Variants in MAST4 observed in about 807,000 individuals in gnomAD.
The protein encoded by MAST4 is microtubule associated serine/threonine kinase family member 4, also known as microtubule-associated serine/threonine-protein kinase 4.
A neutral mutation model predicts 162.7 loss-of-function variants in MAST4; 89 were observed. The ratio of observed to expected loss-of-function variants is 0.55; its 90% CI spans 0.46 to 0.65. The LOEUF is 0.65. Ranked by LOEUF, MAST4 falls within the 30% of genes least tolerant of loss-of-function variation. The pLI is 0.00. For missense variants in MAST4, 3,153 were observed against 3,374.0 expected (o/e 0.93, Z 1.62); for synonymous variants, 1,479 against 1,361.1 (o/e 1.09, Z -1.91).
chr5:66,971,148 C>T (rs1211804881), intron 4 of MAST4, among the ~76,000 whole-genome samples: 3 of 152,170 alleles, frequency 2.0e-5, no homozygotes, highest in African/African-American at 4.8e-5. Context: ...GTTACTGTGT[C>T]TGGAGCTTTC....
At position 66,754,803 on chromosome 5, in the gene MAST4, C is replaced by T. The variant is rs1227302753; in HGVS notation, c.364-4906C>T. Among the ~76,000 whole-genome samples the T allele has an allele frequency of 3.3e-5, 5 of 152,124 alleles. No individual in the cohort carries two copies. In the South Asian group the frequency reaches 8.3e-4, roughly 25 times the overall value. The stretch of plus-strand genomic sequence containing the variant: ...ATAAGAACAAGGAATAAAGGTTGAG[C>T]GTGCTGTTTTACATAGGCATTTACA... On this transcript the variant is annotated intron_variant, in intron 1 of 28. Transcript: ENST00000403625.
intron 20 of MAST4, 22 bp from the exon 21 acceptor site, chr5:67,142,399 G>A: frequency 1.3e-6 from 2 of 1,559,698 alleles, no homozygotes; most frequent in Non-Finnish European, 1.7e-6. Context: ...AATTGGACCT[G>A]TTCCCAAACA....
chr5:66,805,533 C>G (rs1053059682), intron 3 of MAST4, among the ~76,000 whole-genome samples: 30 of 152,152 alleles, frequency 2.0e-4, no homozygotes, highest in Admixed American at 1.8e-3. Context: ...AAAAAATCAT[C>G]CCTTGTGAAA....
intron 5 of MAST4, among the ~76,000 whole-genome samples, chr5:67,065,952 T>A (rs956521753): frequency 1.3e-5 from 2 of 152,086 alleles, no homozygotes; most frequent in African/African-American, 4.8e-5. Context: ...AACCCAGAAG[T>A]TTAGAGGGTT....
At chr5:66,609,728 T>C (rs1358960878) in intron 1 of MAST4, among the ~76,000 whole-genome samples, 2 of 149,814 alleles carry the variant, frequency 1.3e-5, no homozygotes, top group Non-Finnish European at 3.0e-5. Context: ...TGTTTTGTTT[T>C]TAAAACAAAG....
At chr5:67,054,295 A>G (rs1379412904) in intron 4 of MAST4, 109 bp from the exon 5 acceptor site, 3 of 772,296 alleles carry the variant, frequency 3.9e-6, no homozygotes, top group Admixed American at 6.4e-5. Context: ...TTTTAACAAT[A>G]ACATGAGCAG....
intron 6 of MAST4, among the ~76,000 whole-genome samples, chr5:67,094,787 A>G (rs1764251275): frequency 1.3e-5 from 2 of 152,044 alleles, no homozygotes; most frequent in Non-Finnish European, 2.9e-5. Flanking sequence ...CTGAGAAACC[A>G]CCCATTCTAT....
In MAST4 at chr5:67,080,473, A is replaced by T. The variant is rs146449158; in HGVS notation, c.764-9689A>T. Reference sequence around the variant, plus strand: ...TTGACATTTGTGCATACAGAATCTCAAGAGTTGTGTGTGGCTTAAAACAAG... The same window carrying T: ...TTGACATTTGTGCATACAGAATCTCTAGAGTTGTGTGTGGCTTAAAACAAG... On this transcript the variant is annotated intron_variant, in intron 5 of 28. Coordinates refer to ENST00000403625, the MANE Select transcript of MAST4 (RefSeq NM_001164664.2). 1.1e-3 allele frequency among the ~76,000 whole-genome samples: 163 copies of T among 152,282 alleles called. 2 individuals are homozygous for T. The highest frequency in any genetic ancestry group is 3.9e-3 in the African/African-American group (162 of 41,552).
intron 5 of MAST4, among the ~76,000 whole-genome samples, chr5:67,069,561 G>A (rs1323047153): frequency 6.6e-6 from 1 of 152,006 alleles, no homozygotes; most frequent in East Asian, 1.9e-4. Flanking sequence ...ATGCCCGAGT[G>A]ACCCCCAGCA....
chr5:66,757,526 C>T (rs1753613385), intron 1 of MAST4, among the ~76,000 whole-genome samples: 1 of 152,114 alleles, frequency 6.6e-6, no homozygotes. Context: ...TTATACGTTA[C>T]CTTGCTCACA....
chr5:66,993,268 T>C (rs1249431247), intron 4 of MAST4, among the ~76,000 whole-genome samples: 1 of 152,198 alleles, frequency 6.6e-6, no homozygotes, highest in Non-Finnish European at 1.5e-5. Context: ...TCTGTAGAAG[T>C]TGGAAAAATA....
intron 4 of MAST4, among the ~76,000 whole-genome samples, chr5:67,018,098 T>TTAAAAATCTCA (rs1753532534): frequency 6.6e-6 from 1 of 152,196 alleles, no homozygotes; most frequent in African/African-American, 2.4e-5. Flanking sequence ...GTCATCCTCT[T>TTAAAAATCTCA]TAAAAATCAT....
chr5:66,725,325 C>T (rs1175425264), intron 1 of MAST4, among the ~76,000 whole-genome samples: 2 of 152,032 alleles, frequency 1.3e-5, no homozygotes, highest in African/African-American at 2.4e-5. Context: ...TTATCCTTCT[C>T]GTTACATTTT....
At position 66,596,992 on chromosome 5, in the gene MAST4, G is replaced by A; in HGVS notation, c.337G>A (p.Ala113Thr). Residue 113 changes from alanine to threonine, a missense_variant, in exon 1 of 29, where the codon GCG (alanine) becomes ACG (threonine). Physicochemically the swap from Ala to Thr is moderately conservative, Grantham distance 58 (BLOSUM62 0). Around this residue, in one of 7 missense-constraint regions of MAST4, gnomAD observed 327 missense variants for 336.5 expected, o/e 0.97. Transcript: ENST00000403625. ...GCCGCCCGCGCCCCGGGGCAGCAGC[G>A]CGTCCCAGGAGGAGCAGGACGAGGA... is the stretch of plus-strand genomic sequence containing the variant. ...AVPPAPRGSS[A>T]SQEEQDEELD... 1 of 1,451,180 alleles carries A rather than the reference G, an allele frequency of 6.9e-7. No individual in the cohort carries two copies. The highest frequency in any genetic ancestry group is 9.0e-7 in the Non-Finnish European group (1 of 1,107,644). 89.9% of individuals were successfully genotyped at this position (1,451,180 alleles called of 1,614,324 possible).
At chr5:66,984,906 AGTTTT>A (rs1749300853) in intron 4 of MAST4, among the ~76,000 whole-genome samples, 1 of 152,150 alleles carries the variant, frequency 6.6e-6, no homozygotes, top group South Asian at 2.1e-4. Flanking sequence ...GAAAATTAAA[AGTTTT>A]GTTTTGTTTG....
At chr5:66,741,266 C>T (rs1752462652) in intron 1 of MAST4, among the ~76,000 whole-genome samples, 1 of 152,170 alleles carries the variant, frequency 6.6e-6, no homozygotes, top group African/African-American at 2.4e-5. Context: ...TGTCGCATCT[C>T]CTGCTTTCTT....
Position 67,152,700 on chromosome 5 carries a change from C to A in MAST4, c.3359C>A (p.Ser1120Tyr). 2 of 1,614,022 alleles carry A rather than the reference C, an allele frequency of 1.2e-6. No homozygotes were observed. The highest frequency in any genetic ancestry group is 1.7e-6 in the Non-Finnish European group (2 of 1,179,906). The change falls in exon 25 of 29, where the codon TCT becomes TAT. Residue 1120 changes from serine (S) to tyrosine (Y), a missense_variant. By Grantham distance (144) the Ser-to-Tyr change is moderately radical (BLOSUM62 -2). Transcript: ENST00000403625. The part of the protein sequence containing the change: ...MSPHSLSSDP[S>Y]SSRDSSPSRD... ...CCCCATTCCCTGTCCTCGGACCCTT[C>A]TTCTTCACGAGATTCCTCTCCCAGC... is the stretch of plus-strand genomic sequence containing the variant.
chr5:66,896,293 G>GTGT (rs1762678837), intron 3 of MAST4, among the ~76,000 whole-genome samples: 1 of 152,176 alleles, frequency 6.6e-6, no homozygotes, highest in South Asian at 2.1e-4. Context: ...CAGGCATGAA[G>GTGT]TGTTCTTCTC....
rs562632972 is a variant in MAST4, at chr5:66,742,004, G to A, written c.364-17705G>A. ...ACTAGAGCCCTAGATTTATTGAAAG[G>A]ATGAGCATCTGTACTCCCAGAGCGG... On this transcript the variant is annotated intron_variant, in intron 1 of 28. Transcript: ENST00000403625. 1.2e-3 allele frequency among the ~76,000 whole-genome samples: 188 copies of A among 152,332 alleles called. 6 individuals are homozygous for A. In the South Asian group the frequency reaches 0.037, roughly 30 times the overall value.
Sources: allele counts gnomAD v4.1 joint callset (sites outside exome capture counted in the v4.1 genomes callset), GRCh38; gene constraint gnomAD v4.1.1; regional missense constraint gnomAD v4.1.1; transcripts MANE v1.5; gene names NCBI Gene and HGNC (gene_info 2026-07-23, HGNC 2026-07-21).